LIMK2: variants seen among roughly 807,000 people sequenced by gnomAD.
The protein encoded by LIMK2 is LIM domain kinase 2.
Under a neutral mutation model 75.7 loss-of-function variants are expected in LIMK2, and 35 were observed. The ratio of observed to expected loss-of-function variants is 0.46; its 90% CI spans 0.35 to 0.61. The LOEUF is 0.61. Ranked by LOEUF, LIMK2 falls within the 20% of genes least tolerant of loss-of-function variation. LIMK2 has a pLI of 0.00. For synonymous variants in LIMK2, 301 were observed against 319.2 expected (o/e 0.94, Z 0.61); for missense variants, 623 against 831.0 (o/e 0.75, Z 3.08).
chr22:31,217,510 G>C (rs1303180607), intron 1 of LIMK2, among the ~76,000 whole-genome samples: 1 of 152,092 alleles, frequency 6.6e-6, no homozygotes, highest in East Asian at 1.9e-4. Flanking sequence ...AACAATAATA[G>C]TTCTTTAAGA....
intron 11 of LIMK2, among the ~76,000 whole-genome samples, chr22:31,268,911 T>C (rs5997931): frequency 2.8e-4 from 43 of 152,280 alleles, no homozygotes; most frequent in African/African-American, 9.6e-4. Context: ...TGGGGGTCCA[T>C]GAAAATAGTA....
intron 2 of LIMK2, among the ~76,000 whole-genome samples, chr22:31,237,291 C>G (rs1199520650): frequency 1.3e-5 from 2 of 150,638 alleles, no homozygotes; most frequent in African/African-American, 4.9e-5. Context: ...AGGTTGGGCG[C>G]GGTGGCTCGC....
intron 15 of LIMK2, chr22:31,277,410 G>T: frequency 8.8e-7 from 1 of 1,140,442 alleles, no homozygotes; most frequent in Non-Finnish European, 1.1e-6. Context: ...CGCCTTTGGT[G>T]CAGCTCAAAA....
At chr22:31,257,418 A>G (rs1296870378) in intron 2 of LIMK2, among the ~76,000 whole-genome samples, 1 of 152,082 alleles carries the variant, frequency 6.6e-6, no homozygotes, top group Non-Finnish European at 1.5e-5. Flanking sequence ...TTTTTGCTGA[A>G]CTATTTCAGA....
chr22:31,218,229 G>C (rs1210488363), intron 1 of LIMK2, among the ~76,000 whole-genome samples: 1 of 152,182 alleles, frequency 6.6e-6, no homozygotes. Context: ...TAGGAGACAA[G>C]CTCAGAGAGG....
intron 15 of LIMK2, among the ~76,000 whole-genome samples, chr22:31,276,506 C>T (rs1369197883): frequency 2.2e-5 from 3 of 137,396 alleles, no homozygotes; most frequent in East Asian, 2.5e-4. Context: ...GGCGGATCGG[C>T]GGGGAGGGGG....
At chr22:31,218,174 T>C (rs938668442) in intron 1 of LIMK2, among the ~76,000 whole-genome samples, 1 of 152,248 alleles carries the variant, frequency 6.6e-6, no homozygotes, top group Non-Finnish European at 1.5e-5. Flanking sequence ...ATTAATCCAC[T>C]TGGTAATCCT....
chr22:31,276,988 G>C, intron 15 of LIMK2: 1 of 1,613,936 alleles, frequency 6.2e-7, no homozygotes, highest in South Asian at 1.1e-5. Context: ...GATTGACGTG[G>C]ATGAGCTCCT....
rs2049001830 is a variant in LIMK2 at position 31,275,256 on chromosome 22, C to T, written c.1720C>T (p.Pro574Ser). 6.2e-7 allele frequency: 1 copy of T among 1,614,112 alleles called. No individual in the cohort carries two copies. The highest frequency in any genetic ancestry group is 8.5e-7 in the Non-Finnish European group (1 of 1,180,048). Residue 574 changes from proline to serine, a missense_variant, in exon 15 of 16, where the codon CCG (proline) becomes TCG (serine). Around this residue, in one of 3 missense-constraint regions of LIMK2, gnomAD observed 63 missense variants for 122.8 expected, o/e 0.51. Transcript: ENST00000331728. The part of the protein sequence containing the change: ...WEKFVPTDCP[P>S]AFFPLAAICC... ...GAAGTTTGTTCCCACAGATTGTCCCCCGGCCTTCTTCCCGCTGGCCGCCAT... is the reference window on the plus strand; with the variant it reads ...GAAGTTTGTTCCCACAGATTGTCCCTCGGCCTTCTTCCCGCTGGCCGCCAT...
chr22:31,245,600 C>G (rs1052749862), intron 2 of LIMK2, among the ~76,000 whole-genome samples: 6 of 152,070 alleles, frequency 3.9e-5, no homozygotes, highest in Admixed American at 1.3e-4. Context: ...CCATGACTGG[C>G]CTGATTGACT....
intron 2 of LIMK2, among the ~76,000 whole-genome samples, chr22:31,247,456 C>G (rs990414814): frequency 5.9e-5 from 9 of 152,160 alleles, no homozygotes; most frequent in African/African-American, 2.2e-4. Context: ...GTAGAAGAAG[C>G]TCCACTGTCC....
chr22:31,248,255 C>G, intron 2 of LIMK2: 1 of 930,138 alleles, frequency 1.1e-6, no homozygotes, highest in South Asian at 1.7e-5. Flanking sequence ...CCTGCAAGGT[C>G]TGTTTCCTAA....
In LIMK2 at chr22:31,248,181, T is replaced by C. The variant is rs568693905; in HGVS notation, c.117-10110T>C. Among the ~76,000 whole-genome samples the C allele has an allele frequency of 5.2e-4, 79 of 152,164 alleles. 1 individual carries two copies. The highest frequency in any genetic ancestry group is 1.9e-3 in the African/African-American group (78 of 41,498). ...CCCTGAGCTCAGGATGGACGCTCAATTGGTCCCAGTTATTGTCTGCAGCGC... is the reference window on the plus strand; with the variant it reads ...CCCTGAGCTCAGGATGGACGCTCAACTGGTCCCAGTTATTGTCTGCAGCGC... On this transcript the variant is annotated intron_variant, in intron 2 of 15. Transcript: ENST00000331728.
rs201894352 is a variant in LIMK2 at position 31,262,771 on chromosome 22, A to G, written c.834A>G (p.Thr278=). The stretch of plus-strand genomic sequence containing the variant: ...ACACCAAGGAGAATCTGGAGGGGAC[A>G]CTGAGGAGACGTTCCCTAAGGTGCC... ...TLDTKENLEG[T]LRRRSLRRSN... is the part of the protein sequence containing the mutation. The change falls in exon 7 of 16, where the codon ACA becomes ACG. Residue 278 remains threonine (T), a synonymous_variant. Transcript: ENST00000331728. This position sits in a 1 kb window ranked among gnomAD's most constrained non-coding sequence, Gnocchi z 5.0. The G allele has an allele frequency of 6.2e-7, 1 of 1,610,694 alleles. No individual in the cohort carries two copies. The highest frequency in any genetic ancestry group is 8.5e-7 in the Non-Finnish European group (1 of 1,178,038).
intron 11 of LIMK2, among the ~76,000 whole-genome samples, chr22:31,269,286 CTTTTTT>C (rs796361643): frequency 1.0e-4 from 10 of 95,482 alleles, no homozygotes; most frequent in African/African-American, 3.9e-4. Flanking sequence ...ATTTTTTTTT[CTTTTTT>C]TTTTTTTTTT....
intron 8 of LIMK2, among the ~76,000 whole-genome samples, chr22:31,266,700 G>T (rs910521151): frequency 1.3e-5 from 2 of 152,178 alleles, no homozygotes; most frequent in Non-Finnish European, 2.9e-5. Context: ...AATGACCAGA[G>T]CCCCTGCTTG....
intron 2 of LIMK2, among the ~76,000 whole-genome samples, chr22:31,240,764 G>A (rs1175796796): frequency 2.0e-5 from 3 of 152,098 alleles, no homozygotes; most frequent in Non-Finnish European, 4.4e-5. Flanking sequence ...CCACTGCCGC[G>A]TCACCAAGGA....
chr22:31,233,149 CTTAAATGCCAGCT>C (rs1293464482), intron 2 of LIMK2, among the ~76,000 whole-genome samples: 1 of 152,206 alleles, frequency 6.6e-6, no homozygotes, highest in Non-Finnish European at 1.5e-5. Context: ...GCTGCTTGAG[CTTAAATGCCAGCT>C]TCACTTACCA....
intron 5 of LIMK2, among the ~76,000 whole-genome samples, chr22:31,261,877 T>C (rs2048843856): frequency 6.6e-6 from 1 of 152,232 alleles, no homozygotes; most frequent in African/African-American, 2.4e-5. Flanking sequence ...TTCTTAGAGA[T>C]GGGAGTAGGA....
Sources: gnomAD v4.1 joint callset for allele counts (sites outside exome capture counted in the v4.1 genomes callset) on GRCh38, gnomAD v4.1.1 for gene constraint, gnomAD v4.1.1 regional missense constraint, Gnocchi (gnomAD v3.1) non-coding constraint, MANE v1.5 for transcripts, NCBI Gene and HGNC (gene_info 2026-07-23, HGNC 2026-07-21) for gene names.